SNX25: variants seen among roughly 807,000 people sequenced by gnomAD.
SNX25 encodes the protein sorting nexin 25, also known as sorting nexin-25.
SNX25 carries 62 observed loss-of-function variants against 113.7 expected under a neutral mutation model. The ratio of observed to expected loss-of-function variants is 0.55; its 90% CI spans 0.44 to 0.67. The LOEUF (loss-of-function observed/expected upper bound fraction) is 0.67. SNX25 is among the 30% of genes least tolerant of loss of function. The pLI is 0.00. For synonymous variants in SNX25, 421 were observed against 436.2 expected (o/e 0.97, Z 0.43); for missense variants, 1,014 against 1,161.0 (o/e 0.87, Z 1.84).
At chr4:185,320,496 G>A (rs1332753941) in intron 7 of SNX25, among the ~76,000 whole-genome samples, 2 of 152,044 alleles carry the variant, frequency 1.3e-5, no homozygotes, top group South Asian at 2.1e-4. Flanking sequence ...CAAGGGGAGA[G>A]AACTTAGAGG....
intron 6 of SNX25, among the ~76,000 whole-genome samples, chr4:185,288,502 T>G (rs1388723224): frequency 2.6e-5 from 4 of 152,050 alleles, no homozygotes; most frequent in Admixed American, 2.0e-4. Flanking sequence ...TATTTTCCTT[T>G]TTTAAGCTTT....
intron 6 of SNX25, 39 bp from the exon 7 acceptor site, chr4:185,310,596 T>C (rs1043324692): frequency 1.3e-5 from 20 of 1,580,880 alleles, no homozygotes; most frequent in Non-Finnish European, 1.7e-5. Flanking sequence ...TTTCATGCCT[T>C]GTCCTCTGAC....
intron 16 of SNX25, among the ~76,000 whole-genome samples, chr4:185,361,567 G>A (rs1027970726): frequency 9.9e-5 from 15 of 152,070 alleles, no homozygotes; most frequent in Admixed American, 6.6e-4. Flanking sequence ...GCGAAACCCC[G>A]TCTCTACTAA....
chr4:185,351,700 T>C, intron 14 of SNX25, 91 bp downstream of exon 14: 1 of 1,342,602 alleles, frequency 7.4e-7, no homozygotes, highest in African/African-American at 1.5e-5. Flanking sequence ...ATCCCTCTAT[T>C]TTCAGTCATT....
Position 185,363,609 on chromosome 4 carries a change from A to C in SNX25, c.*144A>C. 1 of 705,032 alleles carries C rather than the reference A, an allele frequency of 1.4e-6. No individual in the cohort carries two copies. Among genetic ancestry groups the C allele is most frequent in the Non-Finnish European group, 2.3e-6 (1 of 429,482 alleles). The allele number at this position is 705,032 out of a possible 1,614,324, so 43.7% of individuals were successfully genotyped here. ...TCTAGTTTTATGTGAAATTAGTAGAATCAGGGAGGACGGGACTTATGCTGT... is the reference window on the plus strand; with the variant it reads ...TCTAGTTTTATGTGAAATTAGTAGACTCAGGGAGGACGGGACTTATGCTGT... On this transcript the variant is annotated 3_prime_UTR_variant, in exon 19 of 19. Coordinates refer to ENST00000652585, the MANE Select transcript of SNX25 (RefSeq NM_001378034.2). This position sits in a 1 kb window ranked among gnomAD's most constrained non-coding sequence, Gnocchi z 4.2.
At chr4:185,211,528 A>G (rs1737798143) in intron 1 of SNX25, among the ~76,000 whole-genome samples, 1 of 152,210 alleles carries the variant, frequency 6.6e-6, no homozygotes, top group Admixed American at 6.5e-5. Context: ...TTGTTGATCA[A>G]TAAAATATGT....
chr4:185,320,898 C>A (rs777722538), intron 8 of SNX25, 34 bp downstream of exon 8: 1 of 1,526,634 alleles, frequency 6.6e-7, no homozygotes, highest in South Asian at 1.3e-5. Context: ...ATATTAATCA[C>A]TAGCTGATGT....
At chr4:185,294,814 C>T (rs945411681) in intron 6 of SNX25, among the ~76,000 whole-genome samples, 1 of 151,674 alleles carries the variant, frequency 6.6e-6, no homozygotes, top group Non-Finnish European at 1.5e-5. Flanking sequence ...AATTTAAGTA[C>T]GGATACTTTT....
At chr4:185,378,032 G>A in the SNX25 span, 1 of 1,432,786 alleles carries the variant, frequency 7.0e-7, no homozygotes, top group East Asian at 2.3e-5. Context: ...CATGCAAAAT[G>A]AACTGTTAAA....
intron 1 of SNX25, among the ~76,000 whole-genome samples, chr4:185,239,714 GTTTT>G (rs72188299): frequency 0.015 from 2,172 of 141,650 alleles, 57 homozygotes; most frequent in African/African-American, 0.053. Flanking sequence ...TTTTGTTTCG[GTTTT>G]TTTTTGTGTG....
chr4:185,281,747 G>T (rs555723768), intron 5 of SNX25, among the ~76,000 whole-genome samples: 3 of 152,302 alleles, frequency 2.0e-5, no homozygotes, highest in African/African-American at 7.2e-5. Context: ...TGGGTGCGGT[G>T]GTTCATGCCT....
At chr4:185,370,682 G>A, downstream of SNX25, 2 of 1,614,018 alleles carry the variant, frequency 1.2e-6, no homozygotes, top group South Asian at 2.2e-5. Flanking sequence ...CCCTGGTGAT[G>A]CCCAAGCCAA....
chr4:185,315,176 C>T (rs1309878578), intron 7 of SNX25, among the ~76,000 whole-genome samples: 4 of 150,354 alleles, frequency 2.7e-5, no homozygotes, highest in African/African-American at 4.9e-5. Flanking sequence ...TGCAGTGAGC[C>T]GAGATTGTGC....
chr4:185,284,916 A>G (rs1167615556), intron 5 of SNX25, among the ~76,000 whole-genome samples: 1 of 152,214 alleles, frequency 6.6e-6, no homozygotes, highest in Admixed American at 6.5e-5. Flanking sequence ...GATGTTTATT[A>G]GTAGTATATA....
At position 185,320,602 on chromosome 4, in the gene SNX25, A is replaced by T. The variant is rs1228675188; in HGVS notation, c.1345-131A>T. The T allele has an allele frequency of 1.0e-5, 6 of 576,664 alleles. No individual in the cohort carries two copies. In the African/African-American group the frequency reaches 1.1e-4, roughly 11 times the overall value. 35.7% of individuals were successfully genotyped at this position (576,664 alleles called of 1,614,324 possible). The stretch of plus-strand genomic sequence containing the variant: ...AATAAATAAATAGTAAATTACTACA[A>T]TAAAATTTTACTTTATTCCTTTAAA... On this transcript the variant is annotated intron_variant, in intron 7 of 18. Transcript: ENST00000652585.
At chr4:185,370,626 G>C, downstream of SNX25, 1 of 1,611,038 alleles carries the variant, frequency 6.2e-7, no homozygotes, top group East Asian at 2.2e-5. Flanking sequence ...TTTATATTTT[G>C]TTCTAAAGCT....
intron 4 of SNX25, 41 bp from the exon 5 acceptor site, chr4:185,266,928 A>G: frequency 6.3e-7 from 1 of 1,584,506 alleles, no homozygotes; most frequent in South Asian, 1.1e-5. Context: ...CCCTTAAAGA[A>G]GAATACCTTT....
chr4:185,376,292 T>C, the SNX25 span, among the ~76,000 whole-genome samples: 1 of 152,134 alleles, frequency 6.6e-6, no homozygotes, highest in Non-Finnish European at 1.5e-5. Flanking sequence ...ACATACTTTT[T>C]TTTGAGAGGG....
At chr4:185,365,218 A>G (rs908068151), downstream of SNX25, 2 of 152,220 alleles carry the variant, frequency 1.3e-5, no homozygotes, top group Non-Finnish European at 2.9e-5. Context: ...TTGGATTTAT[A>G]GAAGACATAT....
Sources: allele counts gnomAD v4.1 joint callset (sites outside exome capture counted in the v4.1 genomes callset), GRCh38; gene constraint gnomAD v4.1.1; non-coding constraint Gnocchi (gnomAD v3.1); transcripts MANE v1.5; gene names NCBI Gene and HGNC (gene_info 2026-07-23, HGNC 2026-07-21).